The following VIPR1 variants were observed in gnomAD, a reference collection of about 807,000 sequenced individuals.
The protein encoded by VIPR1 is vasoactive intestinal polypeptide receptor 1.
VIPR1 carries 59 observed loss-of-function variants against 58.8 expected under a neutral mutation model. That is an observed-to-expected ratio of 1.00 (90% CI 0.81 to 1.25). The LOEUF is 1.25. VIPR1 is among the 50% of genes most tolerant of loss of function. The probability of loss-of-function intolerance (pLI) is 0.00; values close to 1 mark genes in which losing one functional copy is unlikely to be tolerated. For synonymous variants in VIPR1, 251 were observed against 242.1 expected, an observed-to-expected ratio of 1.04 and a Z score of -0.34; for missense variants, 626 against 602.7, an observed-to-expected ratio of 1.04 and a Z score of -0.40.
intron 6 of VIPR1, 118 bp downstream of exon 6, chr3:42,528,241 C>T (rs1701346889): frequency 2.9e-6 from 4 of 1,393,720 alleles, no homozygotes; most frequent in Non-Finnish European, 2.9e-6. Context: ...CCCACCCCAC[C>T]CCTCAATCCA....
intron 3 of VIPR1, among the ~76,000 whole-genome samples, chr3:42,525,015 T>C (rs1477775687): frequency 1.3e-5 from 2 of 152,194 alleles, no homozygotes; most frequent in African/African-American, 4.8e-5. Flanking sequence ...ACAGTGATGC[T>C]GCTGATGCTG....
At chr3:42,526,803 T>C (rs1316503586) in intron 4 of VIPR1, among the ~76,000 whole-genome samples, 4 of 152,088 alleles carry the variant, frequency 2.6e-5, no homozygotes, top group Non-Finnish European at 5.9e-5. Flanking sequence ...GGGGAGGGCA[T>C]CAGGAGAGGG....
chr3:42,502,735 C>A lies in VIPR1; in HGVS notation c.-1C>A. ...CGCCCGCCGCGGGCTCAGGGCAGAC[C>A]ATGCGCCCGCCAAGTCCGCTGCCCG... On this transcript the variant is annotated 5_prime_UTR_variant, in exon 1 of 13. Transcript: ENST00000325123. The A allele has an allele frequency of 7.6e-7, 1 of 1,320,960 alleles. No individual in the cohort carries two copies. The allele number at this position is 1,320,960 out of a possible 1,614,324, so 81.8% of individuals were successfully genotyped here.
At chr3:42,504,902 C>CAAA (rs56310463) in intron 1 of VIPR1, among the ~76,000 whole-genome samples, 11 of 52,962 alleles carry the variant, frequency 2.1e-4, no homozygotes, top group African/African-American at 3.6e-4. Context: ...AAAAGGGAGG[C>CAAA]AAAAAAAAAA....
At chr3:42,525,772 C>A in intron 3 of VIPR1, 115 bp from the exon 4 acceptor site, 1 of 1,115,194 alleles carries the variant, frequency 9.0e-7, no homozygotes, top group Non-Finnish European at 1.3e-6. Flanking sequence ...TGGAACCTGA[C>A]AGCACCAGGG....
Position 42,513,866 on chromosome 3 carries a change from A to G in VIPR1, c.184+12A>G. 6.4e-7 allele frequency: 1 copy of G among 1,551,186 alleles called. No homozygotes were observed. Among genetic ancestry groups the G allele is most frequent in the Non-Finnish European group, 8.7e-7 (1 of 1,146,588 alleles). ...GAATGAGACAATAGGTGAGGCCCCC[A>G]TGGGCAGAGAGGGGCTGCATGCCCC... On this transcript the variant is annotated intron_variant, in intron 2 of 12. Transcript: ENST00000325123.
intron 2 of VIPR1, among the ~76,000 whole-genome samples, chr3:42,518,479 C>A (rs1381309075): frequency 3.3e-5 from 5 of 152,340 alleles, no homozygotes; most frequent in South Asian, 2.1e-4. Context: ...TGGCTCATAC[C>A]TGTAATCCCA....
At chr3:42,506,042 C>T (rs530985111) in intron 1 of VIPR1, among the ~76,000 whole-genome samples, 170 of 152,344 alleles carry the variant, frequency 1.1e-3, no homozygotes, top group Non-Finnish European at 1.9e-3. Flanking sequence ...CCTTCTCCTA[C>T]GTCCCCAGCT....
chr3:42,500,617 C>T (rs1484023865), upstream of VIPR1, among the ~76,000 whole-genome samples: 1 of 152,148 alleles, frequency 6.6e-6, no homozygotes, highest in Non-Finnish European at 1.5e-5. Flanking sequence ...ACCATGCCAG[C>T]ACAAGTAACT....
chr3:42,494,736 T>G (rs190757232), intron 1 of VIPR1, among the ~76,000 whole-genome samples: 2 of 152,356 alleles, frequency 1.3e-5, no homozygotes, highest in African/African-American at 2.4e-5. Context: ...GTTTTTATAG[T>G]TACTAATTCC....
chr3:42,491,912 C>T (rs952957901), intron 1 of VIPR1, among the ~76,000 whole-genome samples: 5 of 152,066 alleles, frequency 3.3e-5, no homozygotes, highest in African/African-American at 9.7e-5. Flanking sequence ...CTACTCAATC[C>T]GGATACTGAG....
At chr3:42,518,805 AG>A (rs1428827621) in intron 2 of VIPR1, among the ~76,000 whole-genome samples, 3 of 152,222 alleles carry the variant, frequency 2.0e-5, no homozygotes, top group Admixed American at 2.0e-4. Flanking sequence ...TCATTATGAA[AG>A]GTTTTCACCT....
Position 42,527,419 on chromosome 3 carries a change from G to A in VIPR1, c.426G>A (p.Val142=). 1 of 1,613,662 alleles carries A rather than the reference G, an allele frequency of 6.2e-7. No individual in the cohort carries two copies. Among genetic ancestry groups the A allele is most frequent in the African/African-American group, 1.3e-5 (1 of 74,850 alleles). ...AGCAGACCATGTTCTACGGTTCTGT[G>A]AAGACCGGCTACACCATTGGCTACG... ...DEQQTMFYGS[V]KTGYTIGYGL... is the part of the protein sequence containing the mutation. Residue 142 remains valine, a synonymous_variant, in exon 5 of 13, where the codon GTG becomes GTA. Transcript: ENST00000325123.
At chr3:42,517,817 A>C (rs1218560338) in intron 2 of VIPR1, among the ~76,000 whole-genome samples, 1 of 152,144 alleles carries the variant, frequency 6.6e-6, no homozygotes, top group East Asian at 1.9e-4. Context: ...CTCTACTAAA[A>C]ATACAAAAAT....
At chr3:42,516,935 C>T (rs1367240133) in intron 2 of VIPR1, 2 of 152,242 alleles carry the variant, frequency 1.3e-5, no homozygotes, top group African/African-American at 2.4e-5. Flanking sequence ...ATATTCTTAA[C>T]AGGGTCTTGA....
At chr3:42,515,267 G>A (rs1700567077) in intron 2 of VIPR1, among the ~76,000 whole-genome samples, 2 of 152,236 alleles carry the variant, frequency 1.3e-5, no homozygotes, top group East Asian at 1.9e-4. Flanking sequence ...TTCTGTAAGT[G>A]AGTATGTGTA....
At chr3:42,526,740 A>G (rs1477898826) in intron 4 of VIPR1, among the ~76,000 whole-genome samples, 1 of 152,112 alleles carries the variant, frequency 6.6e-6, no homozygotes, top group Non-Finnish European at 1.5e-5. Flanking sequence ...GGAGGCTGAC[A>G]GGAAGGAGTG....
In VIPR1 at chr3:42,502,710, C is replaced by G; in HGVS notation, c.-26C>G. 1.6e-6 allele frequency: 2 copies of G among 1,283,340 alleles called. No individual in the cohort carries two copies. The highest frequency in any genetic ancestry group is 2.0e-6 in the Non-Finnish European group (2 of 1,019,802). The allele number at this position is 1,283,340 out of a possible 1,614,324, so 79.5% of individuals were successfully genotyped here. On this transcript the variant is annotated 5_prime_UTR_variant, in exon 1 of 13. Coordinates refer to ENST00000325123, the MANE Select transcript of VIPR1 (RefSeq NM_004624.4). ...CGCCAGCTCTTTGCCCGCGCGGGGCCGCCCGCCGCGGGCTCAGGGCAGACC... is the reference window on the plus strand; with the variant it reads ...CGCCAGCTCTTTGCCCGCGCGGGGCGGCCCGCCGCGGGCTCAGGGCAGACC...
chr3:42,516,292 G>A (rs1000455903), intron 2 of VIPR1, among the ~76,000 whole-genome samples: 1 of 152,148 alleles, frequency 6.6e-6, no homozygotes, highest in Admixed American at 6.5e-5. Flanking sequence ...AGGCACACAG[G>A]AAATACTCCC....
Sources: allele counts gnomAD v4.1 joint callset (sites outside exome capture counted in the v4.1 genomes callset), GRCh38; gene constraint gnomAD v4.1.1; transcripts MANE v1.5; gene names NCBI Gene and HGNC (gene_info 2026-07-23, HGNC 2026-07-21).